Variants in ABLIM1 observed in about 807,000 individuals in gnomAD.
ABLIM1 encodes actin binding LIM protein 1.
Under a neutral mutation model 107.0 loss-of-function variants are expected in ABLIM1, and 40 were observed. The observed-to-expected ratio is 0.37, with a 90% CI of 0.29 to 0.49. The LOEUF (loss-of-function observed/expected upper bound fraction) is 0.49. Ranked by LOEUF, ABLIM1 falls within the 20% of genes least tolerant of loss-of-function variation. ABLIM1 has a pLI of 0.97. For missense variants in ABLIM1, 857 were observed against 1,008.5 expected, an observed-to-expected ratio of 0.85 and a Z score of 2.04; for synonymous variants, 357 against 357.3, an observed-to-expected ratio of 1.00 and a Z score of 0.01.
chr10:114,766,355 G>A (rs1479270796), intron 1 of ABLIM1, among the ~76,000 whole-genome samples: 2 of 152,148 alleles, frequency 1.3e-5, no homozygotes, highest in African/African-American at 4.8e-5. Context: ...GGGGAAATAA[G>A]ACAACTGAAT....
chr10:114,773,886 G>C, the ABLIM1 span, among the ~76,000 whole-genome samples: 1 of 150,124 alleles, frequency 6.7e-6, no homozygotes, highest in African/African-American at 2.4e-5. Flanking sequence ...TATTTATGTA[G>C]AGTAAAATGA....
chr10:114,780,139 C>G, the ABLIM1 span, among the ~76,000 whole-genome samples: 1 of 152,068 alleles, frequency 6.6e-6, no homozygotes, highest in Non-Finnish European at 1.5e-5. Flanking sequence ...AAAGCAAAGG[C>G]CTTCTCTCTT....
At chr10:114,673,469 C>T (rs770628689) in intron 1 of ABLIM1, among the ~76,000 whole-genome samples, 7 of 152,092 alleles carry the variant, frequency 4.6e-5, no homozygotes, top group Non-Finnish European at 8.8e-5. Flanking sequence ...TGAAGCCTTC[C>T]TCCTCATTCA....
intron 6 of ABLIM1, among the ~76,000 whole-genome samples, chr10:114,512,117 G>T (rs1411466705): frequency 1.3e-5 from 2 of 152,228 alleles, no homozygotes; most frequent in Non-Finnish European, 2.9e-5. Context: ...AGATGACTCA[G>T]GTGAACTTTC....
chr10:114,468,137 C>T, intron 11 of ABLIM1, 44 bp downstream of exon 11: 2 of 1,575,502 alleles, frequency 1.3e-6, no homozygotes, highest in South Asian at 1.1e-5. Flanking sequence ...CCAAGCAATT[C>T]TCAAATTCCA....
At chr10:114,671,929 C>T (rs1304955167) in intron 1 of ABLIM1, among the ~76,000 whole-genome samples, 8 of 151,164 alleles carry the variant, frequency 5.3e-5, no homozygotes, top group Admixed American at 5.3e-4. Context: ...GTGGCACGAT[C>T]ATAGCTCAAT....
At chr10:114,515,275 T>C (rs944258683) in intron 6 of ABLIM1, among the ~76,000 whole-genome samples, 44 of 151,826 alleles carry the variant, frequency 2.9e-4, no homozygotes, top group Middle Eastern at 3.4e-3. Context: ...TTTCCCCAAA[T>C]CCAGATGTGG....
intron 12 of ABLIM1, among the ~76,000 whole-genome samples, chr10:114,458,301 T>C (rs1382580241): frequency 6.6e-6 from 1 of 152,170 alleles, no homozygotes; most frequent in Admixed American, 6.6e-5. Context: ...TCCTTTCCTG[T>C]TAGCCTAGTA....
At chr10:114,500,744 AAG>A (rs1565643429) in intron 6 of ABLIM1, among the ~76,000 whole-genome samples, 8,534 of 102,852 alleles carry the variant, frequency 0.083, 741 homozygotes, top group Non-Finnish European at 0.12. Flanking sequence ...AAGGGAAGGG[AAG>A]GGAAGGGAAG....
chr10:114,508,172 A>C (rs1363701435), intron 6 of ABLIM1, among the ~76,000 whole-genome samples: 2 of 152,298 alleles, frequency 1.3e-5, no homozygotes, highest in Non-Finnish European at 2.9e-5. Context: ...CCTGAGTGGG[A>C]CAAACGTATC....
chr10:114,442,558 G>A (rs559509329), intron 17 of ABLIM1, among the ~76,000 whole-genome samples: 5 of 152,326 alleles, frequency 3.3e-5, no homozygotes, highest in African/African-American at 1.2e-4. Flanking sequence ...GTAAACCACC[G>A]AATCCAAGAT....
At chr10:114,566,679 A>G (rs894012682) in intron 4 of ABLIM1, among the ~76,000 whole-genome samples, 2 of 152,194 alleles carry the variant, frequency 1.3e-5, no homozygotes, top group Non-Finnish European at 1.5e-5. Flanking sequence ...ATTGCATTAG[A>G]CTGGATGCAG....
At chr10:114,478,562 G>T (rs1167272984) in intron 8 of ABLIM1, among the ~76,000 whole-genome samples, 1 of 152,190 alleles carries the variant, frequency 6.6e-6, no homozygotes, top group Admixed American at 6.5e-5. Flanking sequence ...AGTTTTTACT[G>T]CATTCACATG....
At chr10:114,544,973 G>A (rs201493667) in intron 6 of ABLIM1, 32 bp downstream of exon 6, 406 of 1,596,218 alleles carry the variant, frequency 2.5e-4, no homozygotes, top group Middle Eastern at 6.7e-4. Flanking sequence ...GAAAGATGGC[G>A]GTAGCTATGA....
rs201796705 is a variant in ABLIM1 at position 114,619,203 on chromosome 10, CTT to C, written c.245-17244_245-17243del. 7.2e-6 allele frequency among the ~76,000 whole-genome samples: 1 copy of C among 139,384 alleles called. No individual in the cohort carries two copies. The highest frequency in any genetic ancestry group is 7.2e-5 in the Admixed American group (1 of 13,816). The allele number at this position is 139,384 out of a possible 152,430, so 91.4% of individuals were successfully genotyped here. On this transcript the variant is annotated intron_variant, in intron 1 of 22. Coordinates refer to ENST00000533213, the MANE Select transcript of ABLIM1 (RefSeq NM_002313.7). The surrounding 1 kb of genome is among the most constrained non-coding windows in gnomAD (Gnocchi z 4.1). ...TTTTTTCTTTCTCTTTCTTTCTTTT[CTT>C]TTTTTTTTTGAGACAGTGTCTTGCT...
intron 6 of ABLIM1, among the ~76,000 whole-genome samples, chr10:114,500,972 C>A (rs750435948): frequency 6.6e-6 from 1 of 152,170 alleles, no homozygotes; most frequent in Non-Finnish European, 1.5e-5. Context: ...ATGCTTCCCA[C>A]AAGAAGGTGT....
At chr10:114,489,020 A>AT (rs915410672) in intron 7 of ABLIM1, among the ~76,000 whole-genome samples, 97 of 150,626 alleles carry the variant, frequency 6.4e-4, no homozygotes, top group African/African-American at 1.2e-3. Context: ...TCTTTACCTC[A>AT]TTTTTTTTTC....
At chr10:114,662,780 A>C (rs2079848771), upstream of ABLIM1, among the ~76,000 whole-genome samples, 1 of 152,234 alleles carries the variant, frequency 6.6e-6, no homozygotes, top group Non-Finnish European at 1.5e-5. Context: ...GATTGAGAGC[A>C]CCATGGCACT....
intron 1 of ABLIM1, among the ~76,000 whole-genome samples, chr10:114,648,007 G>A (rs2079079767): frequency 6.6e-6 from 1 of 152,176 alleles, no homozygotes; most frequent in African/African-American, 2.4e-5. Context: ...TAGGATTTGT[G>A]TACATATGGG....
Sources: allele counts gnomAD v4.1 joint callset (sites outside exome capture counted in the v4.1 genomes callset), GRCh38; gene constraint gnomAD v4.1.1; non-coding constraint Gnocchi (gnomAD v3.1); transcripts MANE v1.5; gene names NCBI Gene and HGNC (gene_info 2026-07-23, HGNC 2026-07-21).